Variants in IQCM observed in about 807,000 individuals in gnomAD.
IQCM encodes IQ domain-containing protein M.
Under a neutral mutation model 57.6 loss-of-function variants are expected in IQCM, and 45 were observed. The observed-to-expected ratio is 0.78, with a 90% CI of 0.62 to 1.00. IQCM has a LOEUF of 1.00. Ranked by LOEUF, IQCM falls within the 50% of genes least tolerant of loss-of-function variation. The pLI, the probability that IQCM is intolerant of heterozygous loss-of-function variation, is 0.00. For missense variants in IQCM, 468 were observed against 511.6 expected (o/e 0.91, Z 0.82); for synonymous variants, 148 against 158.9 (o/e 0.93, Z 0.51).
chr4:149,395,743 A>G (rs527297531), intron 13 of IQCM, among the ~76,000 whole-genome samples: 5 of 152,160 alleles, frequency 3.3e-5, no homozygotes, highest in African/African-American at 9.6e-5. Flanking sequence ...ATAAAGTGCT[A>G]TGCAAATGCT....
chr4:149,417,113 T>A (rs369319489), intron 13 of IQCM, among the ~76,000 whole-genome samples: 22 of 152,276 alleles, frequency 1.4e-4, no homozygotes, highest in African/African-American at 5.3e-4. Context: ...CTTACATAAT[T>A]TTCAAATTAT....
chr4:149,431,007 C>G (rs552842308), intron 13 of IQCM, among the ~76,000 whole-genome samples: 1 of 151,892 alleles, frequency 6.6e-6, no homozygotes, highest in East Asian at 2.0e-4. Flanking sequence ...TTGAGACTAG[C>G]CTGGCCAACA....
intron 12 of IQCM, among the ~76,000 whole-genome samples, chr4:149,500,477 A>AT (rs1743125435): frequency 6.6e-6 from 1 of 152,214 alleles, no homozygotes; most frequent in Non-Finnish European, 1.5e-5. Context: ...GACCCAGATT[A>AT]CTGAAATAGA....
chr4:149,466,478 G>T (rs1738870410), intron 12 of IQCM, among the ~76,000 whole-genome samples: 1 of 152,102 alleles, frequency 6.6e-6, no homozygotes. Context: ...ATTTTTATCA[G>T]GAGAAATATT....
At chr4:149,780,884 C>T (rs1333129451) in intron 2 of IQCM, among the ~76,000 whole-genome samples, 1 of 152,066 alleles carries the variant, frequency 6.6e-6, no homozygotes, top group Non-Finnish European at 1.5e-5. Flanking sequence ...GTATTAAATG[C>T]ACTGTTCACT....
chr4:149,655,029 C>A (rs1759516954), intron 7 of IQCM, among the ~76,000 whole-genome samples: 1 of 152,130 alleles, frequency 6.6e-6, no homozygotes, highest in Non-Finnish European at 1.5e-5. Context: ...AAGTGTGTCT[C>A]ACATTTCATT....
At chr4:149,786,760 G>A (rs1401100114) in intron 2 of IQCM, among the ~76,000 whole-genome samples, 6 of 152,164 alleles carry the variant, frequency 3.9e-5, no homozygotes, top group Admixed American at 3.9e-4. Flanking sequence ...CCCATTGGAA[G>A]ACAGTATGGT....
Position 149,682,179 on chromosome 4 carries a change from G to T in IQCM, c.504C>A (p.Pro168=). The change falls in exon 7 of 14, where the codon CCC becomes CCA. Residue 168 remains proline (P), a synonymous_variant. Transcript: ENST00000636793. The part of the protein sequence containing the change: ...SRNRMLELLY[P]FPVHLYLQPG... ...GTTGTAAGTAAAGATGGACAGGAAA[G>T]GGATAGAGTAATTCCAACATTCTGT... is the stretch of plus-strand genomic sequence containing the variant. The T allele has an allele frequency of 8.2e-7, 1 of 1,224,664 alleles. No homozygotes were observed. Among genetic ancestry groups the T allele is most frequent in the South Asian group, 4.1e-5 (1 of 24,218 alleles). 75.9% of individuals were successfully genotyped at this position (1,224,664 alleles called of 1,614,324 possible).
intron 8 of IQCM, among the ~76,000 whole-genome samples, chr4:149,619,176 T>C (rs1398563500): frequency 6.7e-6 from 1 of 149,234 alleles, no homozygotes. Flanking sequence ...TGAAATCATG[T>C]ATTTTGCAGC....
chr4:149,665,809 G>A (rs1365988626), intron 7 of IQCM, among the ~76,000 whole-genome samples: 1 of 152,140 alleles, frequency 6.6e-6, no homozygotes, highest in Non-Finnish European at 1.5e-5. Flanking sequence ...TCAGCTGCCA[G>A]TGTGGCCAGG....
intron 12 of IQCM, among the ~76,000 whole-genome samples, chr4:149,474,879 G>T (rs748969082): frequency 2.0e-5 from 3 of 152,010 alleles, no homozygotes; most frequent in Non-Finnish European, 4.4e-5. Context: ...AATGGCCACG[G>T]TGTTCAAAAA....
chr4:149,594,973 C>T (rs1410439197), intron 8 of IQCM, among the ~76,000 whole-genome samples: 1 of 151,990 alleles, frequency 6.6e-6, no homozygotes, highest in Non-Finnish European at 1.5e-5. Flanking sequence ...CTATTAGGTC[C>T]ACTTGGTGCA....
intron 8 of IQCM, among the ~76,000 whole-genome samples, chr4:149,615,414 C>T (rs1050186951): frequency 6.6e-6 from 1 of 152,086 alleles, no homozygotes; most frequent in Non-Finnish European, 1.5e-5. Flanking sequence ...AAAAGTAATA[C>T]TAGAAACTGT....
intron 2 of IQCM, among the ~76,000 whole-genome samples, chr4:149,778,720 C>T (rs1031909641): frequency 2.1e-4 from 32 of 152,112 alleles, no homozygotes; most frequent in African/African-American, 7.5e-4. Flanking sequence ...AAAAACAGCT[C>T]TATATACACA....
intron 13 of IQCM, among the ~76,000 whole-genome samples, chr4:149,384,639 G>T (rs1439744973): frequency 6.6e-6 from 1 of 151,874 alleles, no homozygotes. Context: ...AAGCCCCTGG[G>T]TCTAACTACC....
chr4:149,360,925 G>A (rs1578791082), intron 13 of IQCM, among the ~76,000 whole-genome samples: 2 of 152,194 alleles, frequency 1.3e-5, no homozygotes, highest in South Asian at 4.1e-4. Flanking sequence ...GGGCTCAGAA[G>A]AAGACAGGAA....
At chr4:149,598,573 A>G (rs943740165) in intron 8 of IQCM, among the ~76,000 whole-genome samples, 9 of 152,168 alleles carry the variant, frequency 5.9e-5, no homozygotes, top group Non-Finnish European at 1.3e-4. Flanking sequence ...ATTTAAATAC[A>G]TTTTTTAAAA....
intron 13 of IQCM, among the ~76,000 whole-genome samples, chr4:149,416,732 A>G (rs1288816898): frequency 1.3e-5 from 2 of 152,158 alleles, no homozygotes; most frequent in Non-Finnish European, 2.9e-5. Context: ...GGGAAATGGC[A>G]TGATCCAATT....
chr4:149,468,333 G>A (rs564035533), intron 12 of IQCM, among the ~76,000 whole-genome samples: 86 of 152,294 alleles, frequency 5.6e-4, no homozygotes, highest in African/African-American at 1.6e-3. Context: ...ATTATATCCC[G>A]CGCATAGCTC....
Sources: gnomAD v4.1 joint callset for allele counts (sites outside exome capture counted in the v4.1 genomes callset) on GRCh38, gnomAD v4.1.1 for gene constraint, MANE v1.5 for transcripts, NCBI Gene and HGNC (gene_info 2026-07-23, HGNC 2026-07-21) for gene names.